TMPRSS13: variants seen among roughly 807,000 people sequenced by gnomAD.
TMPRSS13 encodes transmembrane serine protease 13, also known as transmembrane protease serine 13.
A neutral mutation model predicts 68.4 loss-of-function variants in TMPRSS13; 50 were observed. The observed-to-expected ratio is 0.73, with a 90% CI of 0.58 to 0.93. The LOEUF (loss-of-function observed/expected upper bound fraction) is 0.93. Among genes scored for constraint, TMPRSS13 ranks in the 40% least tolerant of loss-of-function variants. The pLI is 0.00. For synonymous variants in TMPRSS13, 267 were observed against 285.8 expected (o/e 0.93, Z 0.66); for missense variants, 615 against 729.2 (o/e 0.84, Z 1.80).
chr11:117,914,921 G>A lies in TMPRSS13; in HGVS notation c.557-407C>T, dbSNP rs2057561770. Among the ~76,000 whole-genome samples the A allele has an allele frequency of 2.0e-5, 3 of 152,252 alleles. No individual in the cohort carries two copies. The highest frequency in any genetic ancestry group is 6.5e-5 in the Admixed American group (1 of 15,304). On this transcript the variant is annotated intron_variant, in intron 3 of 12. Transcript: ENST00000524993. The surrounding 1 kb of genome is among the most constrained non-coding windows in gnomAD (Gnocchi z 4.2). ...CATCCCATCTTCTCTGTGCTCCGCA[G>A]GGTCACAGCAGATAAATTTCTGTCC...
In TMPRSS13 at chr11:117,929,279, A is replaced by G; in HGVS notation, c.21+8T>C. 1 of 1,603,190 alleles carries G rather than the reference A, an allele frequency of 6.2e-7. No individual in the cohort carries two copies. The highest frequency in any genetic ancestry group is 1.1e-5 in the South Asian group (1 of 88,886). ...AGAATCTGGCCCGAGGCCTGAGGTC[A>G]CACTCACCCCGTGGCTGTCCCTCTC... On this transcript the variant is annotated splice_region_variant and intron_variant, in intron 1 of 12. Coordinates refer to ENST00000524993, the MANE Select transcript of TMPRSS13 (RefSeq NM_001077263.3).
rs938755134 is a variant in TMPRSS13 at position 117,922,510 on chromosome 11, G to C, written c.22-3672C>G. Among the ~76,000 whole-genome samples the C allele has an allele frequency of 1.3e-5, 2 of 152,164 alleles. No homozygotes were observed. The highest frequency in any genetic ancestry group is 2.9e-5 in the Non-Finnish European group (2 of 68,020). On this transcript the variant is annotated intron_variant, in intron 1 of 12. Coordinates refer to ENST00000524993, the MANE Select transcript of TMPRSS13 (RefSeq NM_001077263.3). The surrounding 1 kb of genome is among the most constrained non-coding windows in gnomAD (Gnocchi z 4.2). ...CCCAAAGTGCTGGGATTACAGGCGT[G>C]AGCCACCGCGCCCAGCCGAGACTTC...
intron 5 of TMPRSS13, 58 bp downstream of exon 5, chr11:117,913,719 C>A (rs11605749): frequency 1.3e-6 from 2 of 1,594,218 alleles, no homozygotes; most frequent in East Asian, 2.2e-5. Flanking sequence ...TTGAGACACC[C>A]TATGAAGAGC....
chr11:117,914,025 GC>G lies in TMPRSS13; in HGVS notation c.680-120del. 6 of 1,253,612 alleles carry G rather than the reference GC, an allele frequency of 4.8e-6. No individual in the cohort carries two copies. In the South Asian group the frequency reaches 7.3e-5, roughly 15 times the overall value. 77.7% of individuals were successfully genotyped at this position (1,253,612 alleles called of 1,614,324 possible). A position where few individuals can be genotyped will look rare whatever the true frequency, so the allele number is the denominator to read the frequency against. ...TGTCCTGACAGCACTCCTTGCTGAG[GC>G]CTGGGAAAAGTCCAGGAACATGGCC... is the stretch of plus-strand genomic sequence containing the variant. On this transcript the variant is annotated intron_variant, in intron 4 of 12. Transcript: ENST00000524993. The surrounding 1 kb of genome is among the most constrained non-coding windows in gnomAD (Gnocchi z 4.2).
Position 117,901,600 on chromosome 11 carries a change from G to T in TMPRSS13, c.*639C>A, listed in dbSNP as rs991798656. The T allele has an allele frequency of 2.0e-5, 3 of 151,976 alleles. No homozygotes were observed. Among genetic ancestry groups the T allele is most frequent in the Non-Finnish European group, 4.4e-5 (3 of 68,010 alleles). The allele number at this position is 151,976 out of a possible 1,614,324, so 9.4% of individuals were successfully genotyped here. A position where few individuals can be genotyped will look rare whatever the true frequency, so the allele number is the denominator to read the frequency against. ...ATAAAAATAAAATAAAATAAAACCC[G>T]CCCCAGCAGCTTGTGACCAAATGAG... is the stretch of plus-strand genomic sequence containing the variant. On this transcript the variant is annotated 3_prime_UTR_variant, in exon 13 of 13. Coordinates refer to ENST00000524993, the MANE Select transcript of TMPRSS13 (RefSeq NM_001077263.3).
chr11:117,925,850 C>A (rs2057700182), intron 1 of TMPRSS13, among the ~76,000 whole-genome samples: 1 of 152,266 alleles, frequency 6.6e-6, no homozygotes, highest in Non-Finnish European at 1.5e-5. Flanking sequence ...CAGCCCAGGG[C>A]CCAATACACA....
intron 2 of TMPRSS13, 33 bp from the exon 3 acceptor site, chr11:117,917,307 G>T (rs1299697231): frequency 6.4e-7 from 1 of 1,565,576 alleles, no homozygotes. Flanking sequence ...GGAATATGAG[G>T]CTGGAGAGGA....
chr11:117,920,278 C>T lies in TMPRSS13; in HGVS notation c.22-1440G>A, dbSNP rs571804998. 1.2e-4 allele frequency among the ~76,000 whole-genome samples: 19 copies of T among 152,296 alleles called. No individual in the cohort carries two copies. The East Asian group carries it at 1.5e-3, about 12-fold the overall frequency. ...GAGGTCACAGATCATGCCTGTAAAA[C>T]GCCCAATACACAGTGAGGGTGTGGT... On this transcript the variant is annotated intron_variant, in intron 1 of 12. Coordinates refer to ENST00000524993, the MANE Select transcript of TMPRSS13 (RefSeq NM_001077263.3).
At chr11:117,903,038 A>G (rs1012662138) in intron 12 of TMPRSS13, 8 of 1,048,928 alleles carry the variant, frequency 7.6e-6, no homozygotes, top group Non-Finnish European at 8.0e-6. Context: ...CAAAAAACAT[A>G]AAATAACTTT....
rs777605631 is a variant in TMPRSS13, at chr11:117,905,637, C to T, written c.1381+1G>A. ...CACAACCAAGCATCTTTGCCTCTTA[C>T]CATCTGTCTCCCTGGTCTTGCCAAA... is the stretch of plus-strand genomic sequence containing the variant. On this transcript the variant is annotated splice_donor_variant, in intron 10 of 12. Coordinates refer to ENST00000524993, the MANE Select transcript of TMPRSS13 (RefSeq NM_001077263.3). LOFTEE classifies it high-confidence loss of function. 1 of 1,595,296 alleles carries T rather than the reference C, an allele frequency of 6.3e-7. No individual in the cohort carries two copies. Among genetic ancestry groups the T allele is most frequent in the Admixed American group, 1.7e-5 (1 of 58,312 alleles).
At chr11:117,926,377 G>A (rs906005669) in intron 1 of TMPRSS13, among the ~76,000 whole-genome samples, 7 of 152,168 alleles carry the variant, frequency 4.6e-5, no homozygotes, top group African/African-American at 7.2e-5. Context: ...CTTGACCCGC[G>A]GGTGAGCCAT....
intron 2 of TMPRSS13, 138 bp downstream of exon 2, chr11:117,918,271 C>G (rs1464502412): frequency 1.8e-6 from 2 of 1,096,690 alleles, no homozygotes; most frequent in African/African-American, 3.2e-5. Context: ...CCCTCAGGTC[C>G]CTCACTTCCC....
intron 6 of TMPRSS13, 47 bp downstream of exon 6, chr11:117,911,721 A>G: frequency 6.5e-7 from 1 of 1,527,578 alleles, no homozygotes; most frequent in African/African-American, 1.4e-5. Flanking sequence ...TCTCCTACCC[A>G]CTCCTTCCCC....
chr11:117,921,020 G>A (rs1033751257), intron 1 of TMPRSS13, among the ~76,000 whole-genome samples: 1 of 152,172 alleles, frequency 6.6e-6, no homozygotes, highest in African/African-American at 2.4e-5. Context: ...CCATGACAAA[G>A]ATAACAGCCC....
At chr11:117,924,302 A>G (rs1317627023) in intron 1 of TMPRSS13, among the ~76,000 whole-genome samples, 1 of 152,030 alleles carries the variant, frequency 6.6e-6, no homozygotes, top group African/African-American at 2.4e-5. Context: ...GACGGTGCCA[A>G]TTCTAGAACC....
At position 117,908,600 on chromosome 11, in the gene TMPRSS13, A is replaced by G; in HGVS notation, c.1282+12T>C. The stretch of plus-strand genomic sequence containing the variant: ...TGGGGGGCAGGAGAGCGGGGAGTGC[A>G]GATTCCCTCACCGGACAGGGTCAGG... On this transcript the variant is annotated intron_variant, in intron 9 of 12. Coordinates refer to ENST00000524993, the MANE Select transcript of TMPRSS13 (RefSeq NM_001077263.3). The G allele has an allele frequency of 6.4e-7, 1 of 1,554,572 alleles. No homozygotes were observed. The highest frequency in any genetic ancestry group is 8.7e-7 in the Non-Finnish European group (1 of 1,149,790).
In TMPRSS13 at chr11:117,928,518, G is replaced by A. The variant is rs1023053391; in HGVS notation, c.21+769C>T. On this transcript the variant is annotated intron_variant, in intron 1 of 12. Coordinates refer to ENST00000524993, the MANE Select transcript of TMPRSS13 (RefSeq NM_001077263.3). ...GGTAAGGTACAGAGAATTTGGAGGGGGCAGAAAACAAGACCTAAAGGAGAA... is the reference window on the plus strand; with the variant it reads ...GGTAAGGTACAGAGAATTTGGAGGGAGCAGAAAACAAGACCTAAAGGAGAA... 3.1e-4 allele frequency among the ~76,000 whole-genome samples: 47 copies of A among 152,220 alleles called. 1 individual carries two copies. The highest frequency in any genetic ancestry group is 1.1e-3 in the African/African-American group (46 of 41,524).
intron 9 of TMPRSS13, chr11:117,908,143 G>T: frequency 1.1e-6 from 1 of 886,494 alleles, no homozygotes; most frequent in Non-Finnish European, 1.4e-6. Flanking sequence ...CAATCCCAGA[G>T]CTACCACCTA....
intron 1 of TMPRSS13, among the ~76,000 whole-genome samples, chr11:117,921,443 C>T (rs554438636): frequency 6.6e-6 from 1 of 152,340 alleles, no homozygotes; most frequent in East Asian, 1.9e-4. Context: ...ACAGTCGTCT[C>T]ATTCCCAGGC....
Sources: gnomAD v4.1 joint callset for allele counts (sites outside exome capture counted in the v4.1 genomes callset) on GRCh38, gnomAD v4.1.1 for gene constraint, Gnocchi (gnomAD v3.1) non-coding constraint, MANE v1.5 for transcripts, NCBI Gene and HGNC (gene_info 2026-07-23, HGNC 2026-07-21) for gene names.